The following TMPRSS5 variants were observed in gnomAD, a reference collection of about 807,000 sequenced individuals.
TMPRSS5 encodes transmembrane protease serine 5.
TMPRSS5 carries 45 observed loss-of-function variants against 59.7 expected under a neutral mutation model. The observed-to-expected ratio is 0.75, with a 90% CI of 0.59 to 0.97. The LOEUF (loss-of-function observed/expected upper bound fraction) is 0.97, where lower values mean the gene tolerates loss of function less well. TMPRSS5 is among the 50% of genes least tolerant of loss of function. The probability of loss-of-function intolerance (pLI) is 0.00; values close to 1 mark genes in which losing one functional copy is unlikely to be tolerated. For missense variants in TMPRSS5, 585 were observed against 596.7 expected (o/e 0.98, Z 0.20); for synonymous variants, 225 against 232.0 (o/e 0.97, Z 0.27).
intron 3 of TMPRSS5, 151 bp downstream of exon 3, chr11:113,699,444 A>G: frequency 3.0e-6 from 2 of 672,638 alleles, no homozygotes; most frequent in African/African-American, 1.8e-5. Context: ...TGTAGAGCCT[A>G]GATCCCTCCT....
At chr11:113,694,261 A>AC (rs768293261) in intron 8 of TMPRSS5, 57 of 418,744 alleles carry the variant, frequency 1.4e-4, no homozygotes, top group Non-Finnish European at 2.1e-4. Context: ...AAAAAAAAAA[A>AC]ACTGATGAAT....
rs1161851621 is a variant in TMPRSS5, at chr11:113,694,594, A to G, written c.669T>C (p.Ser223=). 6.4e-7 allele frequency: 1 copy of G among 1,554,898 alleles called. No homozygotes were observed. Among genetic ancestry groups the G allele is most frequent in the Non-Finnish European group, 8.7e-7 (1 of 1,149,182 alleles). Residue 223 remains serine (S), a synonymous_variant, in exon 8 of 13, where the codon TCT becomes TCC. Coordinates refer to ENST00000299882, the MANE Select transcript of TMPRSS5 (RefSeq NM_030770.4). Reference sequence around the variant, plus strand: ...GCCACGGCCAGCGCCCAGGAGCCACAGACTGCCCACCAACTATCCGGGAAG... The same window carrying G: ...GCCACGGCCAGCGCCCAGGAGCCACGGACTGCCCACCAACTATCCGGGAAG... ...PLASRIVGGQ[S]VAPGRWPWQA...
chr11:113,706,288 A>G lies in TMPRSS5; in HGVS notation c.-64T>C. On this transcript the variant is annotated 5_prime_UTR_variant, in exon 1 of 13. It removes the in-frame stop codon of an upstream open reading frame in the 5' UTR. Transcript: ENST00000299882. Reference sequence around the variant, plus strand: ...TAGGCAATGTTCCGCTCCTGTTCTCAGGCCAGCATTGATTAAAGCTAGCCC... The same window carrying G: ...TAGGCAATGTTCCGCTCCTGTTCTCGGGCCAGCATTGATTAAAGCTAGCCC... The G allele has an allele frequency of 6.3e-7, 1 of 1,576,774 alleles. No homozygotes were observed. Among genetic ancestry groups the G allele is most frequent in the Non-Finnish European group, 8.6e-7 (1 of 1,159,630 alleles).
intron 3 of TMPRSS5, among the ~76,000 whole-genome samples, 198 bp downstream of exon 3, chr11:113,699,397 T>G (rs1004742917): frequency 6.6e-6 from 1 of 152,076 alleles, no homozygotes; most frequent in Non-Finnish European, 1.5e-5. Flanking sequence ...AAAGTCTGAC[T>G]ACGGCCTCCT....
chr11:113,691,988 A>T (rs1327060418), intron 9 of TMPRSS5, among the ~76,000 whole-genome samples: 1 of 147,426 alleles, frequency 6.8e-6, no homozygotes, highest in Non-Finnish European at 1.5e-5. Context: ...CCCAGGTTCA[A>T]GTGATCCTCC....
In TMPRSS5 at chr11:113,697,407, T is replaced by C. The variant is rs1952961291; in HGVS notation, c.340A>G (p.Ile114Val). 8 of 1,613,798 alleles carry C rather than the reference T, an allele frequency of 5.0e-6. No individual in the cohort carries two copies. Among genetic ancestry groups the C allele is most frequent in the Non-Finnish European group, 6.8e-6 (8 of 1,179,694 alleles). Residue 114 changes from isoleucine to valine, a missense_variant, in exon 5 of 13, where the codon ATA (isoleucine) becomes GTA (valine). Ile to Val is a conservative substitution (Grantham distance 29). Transcript: ENST00000299882. ...TCCAGCAAGAAGTCTTCGCTGTTTA[T>C]TCTGAAAGATACTGAAATCACAGCA... Reference protein sequence around the residue: ...PALPKTVSFRINSEDFLLEAQ... With the variant: ...PALPKTVSFRVNSEDFLLEAQ...
In TMPRSS5 at chr11:113,698,923, G is replaced by A. The variant is rs779329008; in HGVS notation, c.310C>T (p.Pro104Ser). The change falls in exon 4 of 13, where the codon CCT becomes TCT. Residue 104 changes from proline to serine, a missense_variant. Coordinates refer to ENST00000299882, the MANE Select transcript of TMPRSS5 (RefSeq NM_030770.4). ...SEASAEEALLPALPKTVSFRI... is the reference protein window; with the variant it reads ...SEASAEEALLSALPKTVSFRI... Reference sequence around the variant, plus strand: ...AGCCCACCTGTTTTGGGAAGTGCAGGGAGCAGAGCTTCCTCAGCGCTGGCC... The same window carrying A: ...AGCCCACCTGTTTTGGGAAGTGCAGAGAGCAGAGCTTCCTCAGCGCTGGCC... The A allele has an allele frequency of 1.3e-6, 2 of 1,590,668 alleles. No individual in the cohort carries two copies. The highest frequency in any genetic ancestry group is 1.8e-4 in the Middle Eastern group (1 of 5,480).
At chr11:113,690,758 C>T in intron 10 of TMPRSS5, 83 bp downstream of exon 10, 1 of 1,281,244 alleles carries the variant, frequency 7.8e-7, no homozygotes, top group Non-Finnish European at 1.1e-6. Flanking sequence ...GTCATGTGGC[C>T]AGGGGATGTG....
chr11:113,697,062 A>T (rs1952948188), intron 5 of TMPRSS5, 91 bp from the exon 6 acceptor site: 1 of 1,172,936 alleles, frequency 8.5e-7, no homozygotes, highest in African/African-American at 1.5e-5. Flanking sequence ...AGACTGTGAT[A>T]ATGATTACTG....
Position 113,694,752 on chromosome 11 carries a change from G to A in TMPRSS5, c.623-112C>T, listed in dbSNP as rs1007460546. 6.4e-6 allele frequency: 7 copies of A among 1,092,462 alleles called. No individual in the cohort carries two copies. In the African/African-American group the frequency reaches 8.0e-5, roughly 12 times the overall value. 67.7% of individuals were successfully genotyped at this position (1,092,462 alleles called of 1,614,324 possible). On this transcript the variant is annotated intron_variant, in intron 7 of 12. Transcript: ENST00000299882. ...AAGCCCCAGAGAGCCAGTGTGGACA[G>A]CTCTCCTTTCTTATTCCTGGTCCTA...
chr11:113,700,196 G>T (rs1478313914), intron 1 of TMPRSS5, 28 bp from the exon 2 acceptor site: 3 of 1,498,946 alleles, frequency 2.0e-6, no homozygotes, highest in Non-Finnish European at 2.7e-6. Flanking sequence ...AGACACCCAG[G>T]ATCCCCACAT....
chr11:113,704,101 T>C lies in TMPRSS5; in HGVS notation c.3+2121A>G, dbSNP rs557006403. On this transcript the variant is annotated intron_variant, in intron 1 of 12. Transcript: ENST00000299882. Reference sequence around the variant, plus strand: ...CATTGGGCAGTCCAGACAAAGAGGATTGAATCAGCAAAGGCAAAGGGATAA... The same window carrying C: ...CATTGGGCAGTCCAGACAAAGAGGACTGAATCAGCAAAGGCAAAGGGATAA... 3.7e-4 allele frequency among the ~76,000 whole-genome samples: 56 copies of C among 152,180 alleles called. 2 individuals carry two copies. The South Asian group carries it at 1.0e-2, about 27-fold the overall frequency.
In TMPRSS5 at chr11:113,691,226, G is replaced by C. The variant is rs540935419; in HGVS notation, c.965-287C>G. 3.3e-5 allele frequency among the ~76,000 whole-genome samples: 5 copies of C among 152,282 alleles called. No homozygotes were observed. In the East Asian group the frequency reaches 5.8e-4, roughly 18 times the overall value. On this transcript the variant is annotated intron_variant, in intron 9 of 12. Transcript: ENST00000299882. ...CCCTCCCCACACCTGGGGATGGAGT[G>C]GGGGTGAAAATTCTTTCAGGCCATG... is the stretch of plus-strand genomic sequence containing the variant.
chr11:113,690,176 GCCCT>G, intron 11 of TMPRSS5, 51 bp downstream of exon 11: 4 of 388,218 alleles, frequency 1.0e-5, no homozygotes, highest in African/African-American at 3.0e-5. Flanking sequence ...CAGGCCCCCT[GCCCT>G]CCCACCCCCA....
Position 113,689,918 on chromosome 11 carries a change from C to T in TMPRSS5, c.1207-1G>A. On this transcript the variant is annotated splice_acceptor_variant, in intron 11 of 12. Transcript: ENST00000299882. LOFTEE classifies it high-confidence loss of function. Reference sequence around the variant, plus strand: ...ACACTAGGGGGCCCCCGCTATCTCCCTAAGGGATCCAGGCATGGAGACACA... The same window carrying T: ...ACACTAGGGGGCCCCCGCTATCTCCTTAAGGGATCCAGGCATGGAGACACA... The T allele has an allele frequency of 1.9e-6, 3 of 1,549,336 alleles. No homozygotes were observed. The South Asian group carries it at 3.6e-5, about 19-fold the overall frequency.
chr11:113,695,496 C>T (rs1952904170), intron 6 of TMPRSS5, 53 bp from the exon 7 acceptor site: 3 of 1,591,598 alleles, frequency 1.9e-6, no homozygotes, highest in East Asian at 2.2e-5. Flanking sequence ...CCTGCAGCCA[C>T]ACACATCCAA....
At chr11:113,705,005 T>G (rs1352768370) in intron 1 of TMPRSS5, among the ~76,000 whole-genome samples, 1 of 152,156 alleles carries the variant, frequency 6.6e-6, no homozygotes, top group African/African-American at 2.4e-5. Context: ...ACCTAAGCTG[T>G]GGATCCTTCC....
chr11:113,698,862 C>T lies in TMPRSS5; in HGVS notation c.328+43G>A, dbSNP rs999900453. The T allele has an allele frequency of 1.0e-5, 16 of 1,561,824 alleles. 1 individual carries two copies. The African/African-American group carries it at 2.2e-4, about 21-fold the overall frequency. ...CTCTTGCCCTCAGCTGTGACAGGTC[C>T]CTGCTGGGGAGGGAGGCCCGTAGCC... On this transcript the variant is annotated intron_variant, in intron 4 of 12. Coordinates refer to ENST00000299882, the MANE Select transcript of TMPRSS5 (RefSeq NM_030770.4).
At chr11:113,701,382 C>A (rs990915583) in intron 1 of TMPRSS5, among the ~76,000 whole-genome samples, 1 of 151,676 alleles carries the variant, frequency 6.6e-6, no homozygotes, top group Non-Finnish European at 1.5e-5. Flanking sequence ...AGATGAGGAA[C>A]GTCTTGGAAA....
Sources: allele counts gnomAD v4.1 joint callset (sites outside exome capture counted in the v4.1 genomes callset), GRCh38; gene constraint gnomAD v4.1.1; transcripts MANE v1.5; gene names NCBI Gene and HGNC (gene_info 2026-07-23, HGNC 2026-07-21).